Variants in SLC35F4 observed in about 807,000 individuals in gnomAD.
SLC35F4 encodes solute carrier family 35 member F4.
A neutral mutation model predicts 44.2 loss-of-function variants in SLC35F4; 24 were observed. The ratio of observed to expected loss-of-function variants is 0.54; its 90% CI spans 0.39 to 0.76. The LOEUF is 0.76. Among genes scored for constraint, SLC35F4 ranks in the 30% least tolerant of loss-of-function variants. SLC35F4 has a pLI of 0.00. For missense variants in SLC35F4, 562 were observed against 586.1 expected (o/e 0.96, Z 0.42); for synonymous variants, 238 against 223.6 (o/e 1.06, Z -0.57).
chr14:57,708,781 T>C (rs902178016), intron 1 of SLC35F4, among the ~76,000 whole-genome samples: 9 of 151,916 alleles, frequency 5.9e-5, no homozygotes, highest in African/African-American at 9.7e-5. Flanking sequence ...TGCGCTGATA[T>C]TTATTGGATA....
chr14:57,582,371 A>T (rs761683576), intron 3 of SLC35F4, among the ~76,000 whole-genome samples: 1 of 151,928 alleles, frequency 6.6e-6, no homozygotes, highest in African/African-American at 2.4e-5. Flanking sequence ...AGTTTTTGAA[A>T]TTTTTTTGTA....
intron 1 of SLC35F4, among the ~76,000 whole-genome samples, chr14:57,926,456 C>T (rs1284404052): frequency 6.6e-6 from 1 of 152,150 alleles, no homozygotes; most frequent in East Asian, 1.9e-4. Flanking sequence ...CCACTTCCAA[C>T]TGGTGCTAGT....
downstream of SLC35F4, among the ~76,000 whole-genome samples, chr14:57,975,471 C>G (rs10131979): frequency 6.6e-6 from 1 of 152,186 alleles, no homozygotes; most frequent in African/African-American, 2.4e-5. Flanking sequence ...GTATGGGACA[C>G]CTGGAGATTG....
chr14:57,794,161 T>C (rs2077997522), intron 1 of SLC35F4, among the ~76,000 whole-genome samples: 3 of 152,098 alleles, frequency 2.0e-5, no homozygotes, highest in Admixed American at 2.0e-4. Flanking sequence ...AAAGAAGTTA[T>C]GACTAAGACC....
chr14:57,665,594 T>C (rs775395702), intron 1 of SLC35F4, among the ~76,000 whole-genome samples: 5 of 152,244 alleles, frequency 3.3e-5, no homozygotes, highest in Non-Finnish European at 5.9e-5. Flanking sequence ...TCTTCAAAGA[T>C]TGTCTACCCT....
chr14:57,715,354 A>G (rs1348081659), intron 1 of SLC35F4, among the ~76,000 whole-genome samples: 1 of 152,224 alleles, frequency 6.6e-6, no homozygotes, highest in East Asian at 1.9e-4. Context: ...CTGTTTGCTC[A>G]GTATCATCTT....
intron 1 of SLC35F4, among the ~76,000 whole-genome samples, chr14:57,626,561 T>C (rs1464876829): frequency 1.3e-5 from 2 of 152,152 alleles, no homozygotes; most frequent in African/African-American, 4.8e-5. Context: ...TGCATATTAC[T>C]GTAGATATGG....
At position 57,571,921 on chromosome 14, in the gene SLC35F4, G is replaced by A. The variant is rs368261850; in HGVS notation, c.906C>T (p.Gly302=). The A allele has an allele frequency of 1.9e-6, 3 of 1,612,692 alleles. No individual in the cohort carries two copies. The highest frequency in any genetic ancestry group is 2.2e-5 in the East Asian group (1 of 44,816). The part of the protein sequence containing the change: ...DSIIGVAFAV[G]SASTSALYKV... Reference sequence around the variant, plus strand: ...TATATAATGCAGATGTAGAGGCTGAGCCCACCGCAAATGCCACTCCTATGA... The same window carrying A: ...TATATAATGCAGATGTAGAGGCTGAACCCACCGCAAATGCCACTCCTATGA... The change falls in exon 5 of 8, where the codon GGC becomes GGT. Residue 302 remains glycine, a synonymous_variant. Transcript: ENST00000556826.
chr14:57,909,428 C>T (rs568612166), intron 1 of SLC35F4, among the ~76,000 whole-genome samples: 1 of 151,924 alleles, frequency 6.6e-6, no homozygotes, highest in Non-Finnish European at 1.5e-5. Flanking sequence ...CCTAAAAATC[C>T]TCAATGCTCC....
At chr14:57,738,748 CATATATATATAT>C (rs36212594) in intron 1 of SLC35F4, among the ~76,000 whole-genome samples, 8,953 of 110,132 alleles carry the variant, frequency 0.081, 422 homozygotes, top group Middle Eastern at 0.14. Flanking sequence ...TTTGAATTTT[CATATATATATAT>C]ATATATATAT....
At chr14:57,834,402 T>A (rs1287796870) in intron 1 of SLC35F4, among the ~76,000 whole-genome samples, 2 of 152,252 alleles carry the variant, frequency 1.3e-5, no homozygotes, top group African/African-American at 4.8e-5. Flanking sequence ...TCATAAATTA[T>A]TACAGTGCAA....
chr14:57,962,903 G>A (rs1480043670), intron 1 of SLC35F4, among the ~76,000 whole-genome samples: 3 of 152,180 alleles, frequency 2.0e-5, no homozygotes, highest in Non-Finnish European at 4.4e-5. Context: ...CCTGCAACAG[G>A]CTGTGTGCCG....
intron 1 of SLC35F4, among the ~76,000 whole-genome samples, chr14:57,731,756 T>A (rs556815469): frequency 5.6e-4 from 85 of 152,222 alleles, no homozygotes; most frequent in Non-Finnish European, 1.1e-3. Flanking sequence ...AGGAAAAGAA[T>A]TCAGAAAGAA....
chr14:57,890,527 T>C (rs1254412247), intron 1 of SLC35F4, among the ~76,000 whole-genome samples: 1 of 146,972 alleles, frequency 6.8e-6, no homozygotes, highest in African/African-American at 2.6e-5. Flanking sequence ...TTCTTACCCT[T>C]TCTTTATGGA....
intron 1 of SLC35F4, among the ~76,000 whole-genome samples, chr14:57,842,663 C>T (rs1595189848): frequency 6.6e-6 from 1 of 152,142 alleles, no homozygotes; most frequent in African/African-American, 2.4e-5. Context: ...TTCCCTTGCA[C>T]TCTCACAGCC....
At chr14:57,785,325 T>C (rs1294692182) in intron 1 of SLC35F4, among the ~76,000 whole-genome samples, 2 of 152,206 alleles carry the variant, frequency 1.3e-5, no homozygotes, top group Non-Finnish European at 2.9e-5. Flanking sequence ...TCCTTGATGA[T>C]AGATAATCGA....
intron 1 of SLC35F4, among the ~76,000 whole-genome samples, chr14:57,706,079 G>A (rs1222551943): frequency 6.6e-6 from 1 of 152,190 alleles, no homozygotes; most frequent in African/African-American, 2.4e-5. Context: ...AGCTGTTCTA[G>A]ATAATTGGAT....
intron 1 of SLC35F4, among the ~76,000 whole-genome samples, chr14:57,942,804 T>C (rs1039799015): frequency 6.6e-6 from 1 of 152,204 alleles, no homozygotes; most frequent in Non-Finnish European, 1.5e-5. Context: ...AAAATGTAGG[T>C]AGGGTTTTGT....
chr14:57,642,710 C>T (rs2073308213), intron 1 of SLC35F4, among the ~76,000 whole-genome samples: 1 of 151,674 alleles, frequency 6.6e-6, no homozygotes, highest in African/African-American at 2.4e-5. Flanking sequence ...AGGGCAGTGT[C>T]ATAGTTTTAA....
Sources: gnomAD v4.1 joint callset for allele counts (sites outside exome capture counted in the v4.1 genomes callset) on GRCh38, gnomAD v4.1.1 for gene constraint, MANE v1.5 for transcripts, NCBI Gene and HGNC (gene_info 2026-07-23, HGNC 2026-07-21) for gene names.